The following GNB5 variants were observed in gnomAD, a reference collection of about 807,000 sequenced individuals.
The protein encoded by GNB5 is G protein subunit beta 5, also known as guanine nucleotide-binding protein subunit beta-5.
GNB5 carries 37 observed loss-of-function variants against 55.3 expected under a neutral mutation model. The observed-to-expected ratio is 0.67, with a 90% confidence interval of 0.51 to 0.88. The LOEUF (loss-of-function observed/expected upper bound fraction) is 0.88. GNB5 is among the 40% of genes least tolerant of loss of function. The pLI is 0.00. For missense variants in GNB5, 476 were observed against 515.3 expected (o/e 0.92, Z 0.74); for synonymous variants, 219 against 198.5 (o/e 1.10, Z -0.87).
rs796337551 is a variant in GNB5, at chr15:52,169,559, A to G, written c.238+10209T>C. Among the ~76,000 whole-genome samples, 1,210 of 145,720 alleles carry G rather than the reference A, an allele frequency of 8.3e-3. 9 individuals are homozygous for G. Among genetic ancestry groups the G allele is most frequent in the African/African-American group, 0.03 (1,105 of 37,250 alleles). On this transcript the variant is annotated intron_variant, in intron 3 of 12. Coordinates refer to ENST00000261837, the MANE Select transcript of GNB5 (RefSeq NM_016194.4). ...GTCTCAAAAAAAAAAAAAAAAAAAA[A>G]AAAAGAAAAGAAGAGAAGAGAAAAA...
chr15:52,117,102 A>ATG lies in GNB5; in HGVS notation c.*5654_*5655insCA. Reference sequence around the variant, plus strand: ...CCACGCCCAGCTAATATATATATATATTTTTTTTTAGTACAGACAGGGTTT... The same window carrying ATG: ...CCACGCCCAGCTAATATATATATATATGTTTTTTTTTAGTACAGACAGGGTTT... On this transcript the variant is annotated 3_prime_UTR_variant, in exon 13 of 13. Coordinates refer to ENST00000261837, the MANE Select transcript of GNB5 (RefSeq NM_016194.4). The ATG allele has an allele frequency of 1.1e-5, 1 of 87,102 alleles. No homozygotes were observed. Among genetic ancestry groups the ATG allele is most frequent in the Non-Finnish European group, 2.2e-5 (1 of 46,204 alleles). 5.4% of individuals were successfully genotyped at this position (87,102 alleles called of 1,614,324 possible).
chr15:52,135,708 T>C lies in GNB5; in HGVS notation c.676A>G (p.Ser226Gly). ...DGTCALWDVE[S>G]GQLLQSFHGH... ...TGGAAGCTCTGCAGCAGCTGCCCGC[T>C]CTCCACGTCCCACAGGGCACATGTG... is the stretch of plus-strand genomic sequence containing the variant. The change falls in exon 8 of 13, where the codon AGC becomes GGC. Residue 226 changes from serine (S) to glycine (G), a missense_variant. Physicochemically the swap from Ser to Gly is moderately conservative, Grantham distance 56. Transcript: ENST00000261837. 1 of 1,612,708 alleles carries C rather than the reference T, an allele frequency of 6.2e-7. No homozygotes were observed. Among genetic ancestry groups the C allele is most frequent in the Non-Finnish European group, 8.5e-7 (1 of 1,179,660 alleles).
At chr15:52,144,657 G>A (rs4395021) in intron 6 of GNB5, among the ~76,000 whole-genome samples, 1 of 152,068 alleles carries the variant, frequency 6.6e-6, no homozygotes, top group Admixed American at 6.6e-5. Context: ...CATCATATCA[G>A]GTCTGATCTC....
chr15:52,168,235 CTA>C (rs1345706888), intron 3 of GNB5, among the ~76,000 whole-genome samples: 2 of 152,156 alleles, frequency 1.3e-5, no homozygotes, highest in Admixed American at 1.3e-4. Flanking sequence ...TGACAAGATC[CTA>C]TATCTAGAAA....
rs552605789 is a variant in GNB5 at position 52,145,362 on chromosome 15, G to A, written c.494+2097C>T. On this transcript the variant is annotated intron_variant, in intron 6 of 12. Coordinates refer to ENST00000261837, the MANE Select transcript of GNB5 (RefSeq NM_016194.4). ...TTTTAAAAATTAAAAAATATGGGCC[G>A]GGTGCAGTGGCTCACACCTGCAATC... is the stretch of plus-strand genomic sequence containing the variant. Among the ~76,000 whole-genome samples the A allele has an allele frequency of 3.5e-4, 53 of 151,984 alleles. 1 individual carries two copies. The highest frequency in any genetic ancestry group is 7.2e-4 in the Admixed American group (11 of 15,244).
At chr15:52,143,748 G>T in intron 6 of GNB5, 1 of 152,288 alleles carries the variant, frequency 6.6e-6, no homozygotes. Flanking sequence ...CAGAGTCACA[G>T]GGATGTCACA....
chr15:52,150,180 C>A (rs754740514), intron 4 of GNB5, among the ~76,000 whole-genome samples: 6 of 152,196 alleles, frequency 3.9e-5, no homozygotes, highest in Admixed American at 3.9e-4. Flanking sequence ...CAGGAAACAA[C>A]ACGCAGACAC....
chr15:52,126,032 C>T lies in GNB5; in HGVS notation c.925G>A (p.Asp309Asn). ...GSDDATCRLYDLRADREVAIY... is the reference protein window; with the variant it reads ...GSDDATCRLYNLRADREVAIY... ...GCAACCTCCCTATCTGCCCGCAGGT[C>T]ATAGAGGCGACACTGGGGAGCAAAT... Residue 309 changes from aspartate (D) to asparagine (N), a missense_variant, in exon 11 of 13, where the codon GAC (aspartate) becomes AAC (asparagine). Transcript: ENST00000261837. 6.4e-7 allele frequency: 1 copy of T among 1,557,582 alleles called. No individual in the cohort carries two copies. The highest frequency in any genetic ancestry group is 8.8e-7 in the Non-Finnish European group (1 of 1,131,820).
chr15:52,189,800 C>T (rs937991957), intron 1 of GNB5, among the ~76,000 whole-genome samples: 2 of 152,140 alleles, frequency 1.3e-5, no homozygotes, highest in African/African-American at 4.8e-5. Flanking sequence ...TATCCTATGA[C>T]AGAAGCCAGA....
intron 7 of GNB5, chr15:52,138,516 C>A (rs754203628): frequency 6.6e-6 from 1 of 152,462 alleles, no homozygotes; most frequent in Non-Finnish European, 1.5e-5. Context: ...GCCTTGACTT[C>A]CCTCAGGAGG....
intron 4 of GNB5, among the ~76,000 whole-genome samples, chr15:52,150,239 G>A (rs1294033223): frequency 2.0e-5 from 3 of 152,134 alleles, no homozygotes; most frequent in Admixed American, 6.5e-5. Flanking sequence ...GTACACTATC[G>A]TCACCTGCCA....
intron 3 of GNB5, among the ~76,000 whole-genome samples, chr15:52,170,444 A>C (rs887699618): frequency 6.6e-6 from 1 of 152,182 alleles, no homozygotes; most frequent in African/African-American, 2.4e-5. Flanking sequence ...CAGCAAACTA[A>C]GGCAGAAACA....
At chr15:52,147,941 C>T (rs1194611322) in intron 5 of GNB5, among the ~76,000 whole-genome samples, 1 of 151,890 alleles carries the variant, frequency 6.6e-6, no homozygotes, top group Non-Finnish European at 1.5e-5. Context: ...TACTGAATTA[C>T]ATTATAGTTT....
intron 1 of GNB5, among the ~76,000 whole-genome samples, chr15:52,185,757 T>TTAA (rs2034836727): frequency 1.1e-5 from 1 of 94,448 alleles, no homozygotes. Context: ...CATCTTTTTA[T>TTAA]TATTATTATT....
intron 6 of GNB5, 51 bp downstream of exon 6, chr15:52,147,408 G>T: frequency 1.0e-6 from 1 of 998,860 alleles, no homozygotes; most frequent in Non-Finnish European, 1.6e-6. Context: ...CAAGAGAACA[G>T]TATTCTATGG....
intron 9 of GNB5, among the ~76,000 whole-genome samples, chr15:52,132,576 C>T (rs1440920385): frequency 1.3e-5 from 2 of 149,006 alleles, no homozygotes; most frequent in East Asian, 3.9e-4. Context: ...TAGCCTCAAT[C>T]TCCTGGGTTC....
chr15:52,160,519 G>A (rs1308562745), intron 3 of GNB5, among the ~76,000 whole-genome samples: 1 of 152,216 alleles, frequency 6.6e-6, no homozygotes, highest in African/African-American at 2.4e-5. Context: ...TAGCAGAGAA[G>A]GGGTGAATGA....
At chr15:52,162,691 A>C (rs1315966517) in intron 3 of GNB5, 2 of 152,218 alleles carry the variant, frequency 1.3e-5, no homozygotes, top group Non-Finnish European at 2.9e-5. Context: ...AAAAAAACTC[A>C]TGTAGTCTGA....
intron 2 of GNB5, among the ~76,000 whole-genome samples, chr15:52,182,841 T>G (rs2034791299): frequency 6.6e-6 from 1 of 152,138 alleles, no homozygotes; most frequent in African/African-American, 2.4e-5. Flanking sequence ...GCAATGAGAA[T>G]TGTTATGAGA....
Sources: allele counts gnomAD v4.1 joint callset (sites outside exome capture counted in the v4.1 genomes callset), GRCh38; gene constraint gnomAD v4.1.1; transcripts MANE v1.5; gene names NCBI Gene and HGNC (gene_info 2026-07-23, HGNC 2026-07-21).